Variants in MAGI1 observed in about 807,000 individuals in gnomAD.
MAGI1 encodes membrane-associated guanylate kinase, WW and PDZ domain-containing protein 1.
In MAGI1, 58 loss-of-function variants were observed where a neutral mutation model predicts 139.9. The observed-to-expected ratio is 0.41, with a 90% confidence interval of 0.34 to 0.52. The LOEUF (loss-of-function observed/expected upper bound fraction) is 0.52. Ranked by LOEUF, MAGI1 falls within the 20% of genes least tolerant of loss-of-function variation. The pLI, the probability that MAGI1 is intolerant of heterozygous loss-of-function variation, is 0.12. For synonymous variants in MAGI1, 812 were observed against 737.9 expected (o/e 1.10, Z -1.63); for missense variants, 1,874 against 1,901.6 (o/e 0.99, Z 0.27).
Position 65,629,470 on chromosome 3 carries a change from C to A in MAGI1, c.314-7382G>T, listed in dbSNP as rs144345551. 9.6e-4 allele frequency among the ~76,000 whole-genome samples: 145 copies of A among 151,360 alleles called. 2 individuals are homozygous for A. The highest frequency in any genetic ancestry group is 6.8e-3 in the Middle Eastern group (2 of 292). On this transcript the variant is annotated intron_variant, in intron 1 of 22. Coordinates refer to ENST00000402939, the MANE Select transcript of MAGI1 (RefSeq NM_001033057.2). ...TTTCAGGTGATTCTGCTTTAGCACACAATTTCTTCAAAAAAATGATTATAG... is the reference window on the plus strand; with the variant it reads ...TTTCAGGTGATTCTGCTTTAGCACAAAATTTCTTCAAAAAAATGATTATAG...
chr3:65,446,529 A>C (rs990131125), intron 7 of MAGI1, among the ~76,000 whole-genome samples: 12 of 152,204 alleles, frequency 7.9e-5, no homozygotes, highest in Non-Finnish European at 1.5e-5. Flanking sequence ...TTTCCAGAGA[A>C]GCAAATAAGG....
intron 1 of MAGI1, among the ~76,000 whole-genome samples, chr3:65,782,787 A>C (rs1403273849): frequency 6.6e-6 from 1 of 151,996 alleles, no homozygotes; most frequent in African/African-American, 2.4e-5. Context: ...TTTGCAATAT[A>C]AGTGTTATCT....
chr3:65,662,834 A>T (rs892151223), intron 1 of MAGI1, among the ~76,000 whole-genome samples: 2 of 152,166 alleles, frequency 1.3e-5, no homozygotes, highest in Non-Finnish European at 2.9e-5. Flanking sequence ...TTTACACATT[A>T]TGACCTACAT....
At chr3:65,903,505 G>C (rs536489022) in intron 1 of MAGI1, among the ~76,000 whole-genome samples, 1 of 152,290 alleles carries the variant, frequency 6.6e-6, no homozygotes, top group South Asian at 2.1e-4. Context: ...GAGCACTCAT[G>C]AAATGTTCTT....
chr3:65,882,284 G>T (rs1236335226), intron 1 of MAGI1, among the ~76,000 whole-genome samples: 1 of 152,104 alleles, frequency 6.6e-6, no homozygotes, highest in Admixed American at 6.5e-5. Flanking sequence ...AGAAGAAAAA[G>T]CTGTTTACTA....
chr3:65,817,195 G>A (rs1362324373), intron 1 of MAGI1, among the ~76,000 whole-genome samples: 1 of 152,098 alleles, frequency 6.6e-6, no homozygotes, highest in Non-Finnish European at 1.5e-5. Flanking sequence ...TTCTGAAGAT[G>A]TGCATATTCC....
At chr3:65,640,337 G>A (rs895707909) in intron 1 of MAGI1, among the ~76,000 whole-genome samples, 4 of 152,084 alleles carry the variant, frequency 2.6e-5, no homozygotes, top group African/African-American at 7.2e-5. Flanking sequence ...GAATATTGCT[G>A]GAATGTCTAA....
At position 65,515,717 on chromosome 3, in the gene MAGI1, G is replaced by C. The variant is rs577681943; in HGVS notation, c.431-22086C>G. On this transcript the variant is annotated intron_variant, in intron 2 of 22. Coordinates refer to ENST00000402939, the MANE Select transcript of MAGI1 (RefSeq NM_001033057.2). The stretch of plus-strand genomic sequence containing the variant: ...AACCCATGGCCCAGGATGAATTCTG[G>C]GAATCTTCAGCCAAACTCTCAGCCA... 1.3e-4 allele frequency among the ~76,000 whole-genome samples: 20 copies of C among 152,258 alleles called. No individual in the cohort carries two copies. The South Asian group carries it at 3.9e-3, about 30-fold the overall frequency.
chr3:65,362,833 C>T (rs1941009857), intron 21 of MAGI1, among the ~76,000 whole-genome samples: 1 of 152,162 alleles, frequency 6.6e-6, no homozygotes, highest in Non-Finnish European at 1.5e-5. Flanking sequence ...TCTTAATCAT[C>T]TAATCTGCCC....
chr3:65,638,029 C>T (rs904926730), intron 1 of MAGI1, among the ~76,000 whole-genome samples: 1 of 152,040 alleles, frequency 6.6e-6, no homozygotes, highest in Non-Finnish European at 1.5e-5. Context: ...AAGGATGATA[C>T]TGCTAATTAA....
Position 65,884,780 on chromosome 3 carries a change from G to A in MAGI1, c.313+153216C>T, listed in dbSNP as rs141309429. Among the ~76,000 whole-genome samples, 3 of 152,024 alleles carry A rather than the reference G, an allele frequency of 2.0e-5. No individual in the cohort carries two copies. In the East Asian group the frequency reaches 5.8e-4, roughly 29 times the overall value. On this transcript the variant is annotated intron_variant, in intron 1 of 22. Coordinates refer to ENST00000402939, the MANE Select transcript of MAGI1 (RefSeq NM_001033057.2). ...CACTTTGGGAGGCCCAGTGTCTGCTGTTCAACGTTAGTTCCCACTTATAAA... is the reference window on the plus strand; with the variant it reads ...CACTTTGGGAGGCCCAGTGTCTGCTATTCAACGTTAGTTCCCACTTATAAA...
At chr3:65,388,715 T>C (rs1943648363) in intron 14 of MAGI1, among the ~76,000 whole-genome samples, 1 of 151,950 alleles carries the variant, frequency 6.6e-6, no homozygotes, top group Non-Finnish European at 1.5e-5. Context: ...GTTGCTACTA[T>C]CTATCCGTCA....
intron 12 of MAGI1, among the ~76,000 whole-genome samples, chr3:65,421,229 A>T (rs1326271598): frequency 1.3e-5 from 2 of 152,226 alleles, no homozygotes; most frequent in African/African-American, 4.8e-5. Flanking sequence ...AAATCAAAAT[A>T]GCAACTTAAA....
At chr3:65,360,300 G>C (rs1940686441) in intron 22 of MAGI1, 1 of 983,948 alleles carries the variant, frequency 1.0e-6, no homozygotes, top group Non-Finnish European at 1.2e-6. Flanking sequence ...TAGAAACTTT[G>C]GTAGACCTTT....
intron 1 of MAGI1, among the ~76,000 whole-genome samples, chr3:65,965,896 G>T (rs111773461): frequency 6.6e-6 from 1 of 151,972 alleles, no homozygotes; most frequent in Admixed American, 6.5e-5. Flanking sequence ...CAAGTGATCC[G>T]CCTGCCTCCA....
intron 1 of MAGI1, among the ~76,000 whole-genome samples, chr3:65,666,997 G>A (rs946842755): frequency 6.6e-6 from 1 of 152,188 alleles, no homozygotes; most frequent in African/African-American, 2.4e-5. Flanking sequence ...CACTGGGAAA[G>A]ATGAGCATGA....
At chr3:65,391,446 G>T in intron 13 of MAGI1, 88 bp from the exon 14 acceptor site, 1 of 1,090,538 alleles carries the variant, frequency 9.2e-7, no homozygotes, top group Non-Finnish European at 1.3e-6. Context: ...TCTTTGTTTA[G>T]CACTTTTGCA....
chr3:65,881,240 A>T (rs565542031), intron 1 of MAGI1, among the ~76,000 whole-genome samples: 1 of 152,272 alleles, frequency 6.6e-6, no homozygotes, highest in South Asian at 2.1e-4. Context: ...GGACTTGTTC[A>T]CTGCTAAACA....
chr3:65,375,902 A>C lies in MAGI1; in HGVS notation c.3039T>G (p.Ile1013Met). The change falls in exon 18 of 23, where the codon ATT becomes ATG. Residue 1013 changes from isoleucine to methionine, a missense_variant. Physicochemically the swap from Ile to Met is conservative, Grantham distance 10. This residue lies in a region of MAGI1 where 653 missense variants were observed against 644.5 expected (regional missense o/e 1.01). Transcript: ENST00000402939. ...VAMPHKIGRIIEGSPADRCGK... is the reference protein window; with the variant it reads ...VAMPHKIGRIMEGSPADRCGK... ...CACAGCGGTCAGCAGGGCTCCCCTC[A>C]ATAATCCGACCTATTTTGTGAGGCA... The C allele has an allele frequency of 1.2e-6, 2 of 1,614,116 alleles. No homozygotes were observed. The highest frequency in any genetic ancestry group is 1.7e-6 in the Non-Finnish European group (2 of 1,180,004).
Sources: gnomAD v4.1 joint callset for allele counts (sites outside exome capture counted in the v4.1 genomes callset) on GRCh38, gnomAD v4.1.1 for gene constraint, gnomAD v4.1.1 regional missense constraint, MANE v1.5 for transcripts, NCBI Gene and HGNC (gene_info 2026-07-23, HGNC 2026-07-21) for gene names.